Variants in PARD3 observed in about 807,000 individuals in gnomAD.
The protein encoded by PARD3 is partitioning defective 3 homolog.
A neutral mutation model predicts 155.4 loss-of-function variants in PARD3; 75 were observed. That is an observed-to-expected ratio of 0.48 (90% CI 0.40 to 0.58). PARD3 has a LOEUF of 0.58. PARD3 is among the 20% of genes least tolerant of loss of function. PARD3 has a pLI of 0.00. For missense variants in PARD3, 1,642 were observed against 1,721.7 expected (o/e 0.95, Z 0.82); for synonymous variants, 576 against 610.5 (o/e 0.94, Z 0.83).
At chr10:34,635,069 G>A (rs1284204303) in intron 2 of PARD3, among the ~76,000 whole-genome samples, 1 of 152,188 alleles carries the variant, frequency 6.6e-6, no homozygotes, top group Non-Finnish European at 1.5e-5. Context: ...TGAAAACACT[G>A]CTCAAAACCG....
chr10:34,330,363 C>T (rs1204198437), intron 19 of PARD3, among the ~76,000 whole-genome samples: 1 of 151,970 alleles, frequency 6.6e-6, no homozygotes, highest in Non-Finnish European at 1.5e-5. Flanking sequence ...ATTCAATAAA[C>T]CATGGAAAAC....
intron 2 of PARD3, among the ~76,000 whole-genome samples, chr10:34,577,703 A>T (rs2087012848): frequency 6.6e-6 from 1 of 152,218 alleles, no homozygotes; most frequent in Admixed American, 6.5e-5. Flanking sequence ...ACTCCACATG[A>T]CTACTAGAAT....
At chr10:34,535,775 C>G (rs1404622191) in intron 2 of PARD3, among the ~76,000 whole-genome samples, 1 of 149,228 alleles carries the variant, frequency 6.7e-6, no homozygotes, top group Non-Finnish European at 1.5e-5. Context: ...CCTGCCTGGC[C>G]AAGACAGTTT....
At chr10:34,429,553 AGTTTTGTTTT>A (rs58220151) in intron 5 of PARD3, among the ~76,000 whole-genome samples, 2,832 of 145,210 alleles carry the variant, frequency 0.02, 40 homozygotes, top group Middle Eastern at 0.032. Flanking sequence ...ACTCTAACTC[AGTTTTGTTTT>A]GTTTTGTTTT....
intron 22 of PARD3, among the ~76,000 whole-genome samples, chr10:34,168,340 T>C (rs1368141802): frequency 6.6e-6 from 1 of 152,244 alleles, no homozygotes; most frequent in Non-Finnish European, 1.5e-5. Context: ...GCAGTTTTTC[T>C]GCAAAATTAT....
chr10:34,332,623 AT>A (rs1207699742), intron 18 of PARD3, among the ~76,000 whole-genome samples: 2 of 152,208 alleles, frequency 1.3e-5, no homozygotes, highest in Non-Finnish European at 2.9e-5. Flanking sequence ...AAATGAAGCT[AT>A]TTTGGGTAAG....
Position 34,219,274 on chromosome 10 carries a change from T to A in PARD3, c.3419+50383A>T, listed in dbSNP as rs370071981. 2.0e-4 allele frequency among the ~76,000 whole-genome samples: 31 copies of A among 152,276 alleles called. No homozygotes were observed. In the South Asian group the frequency reaches 6.2e-3, roughly 31 times the overall value. On this transcript the variant is annotated intron_variant, in intron 22 of 24. Transcript: ENST00000374788. ...GGCAGAGGGGCCTGGCAGTAGGAAA[T>A]GTTGCAGAGAATGCCTGAAACACTG...
rs1029393102 is a variant in PARD3 at position 34,672,344 on chromosome 10, C to T, written c.222+23974G>A. ...CCAAAAAGGTAAACAAAAAATTTACCACCAGCTGAGCACCCACTCATTCTA... is the reference window on the plus strand; with the variant it reads ...CCAAAAAGGTAAACAAAAAATTTACTACCAGCTGAGCACCCACTCATTCTA... On this transcript the variant is annotated intron_variant, in intron 2 of 24. Transcript: ENST00000374788. Among the ~76,000 whole-genome samples the T allele has an allele frequency of 2.0e-5, 3 of 152,116 alleles. No individual in the cohort carries two copies. In the East Asian group the frequency reaches 5.8e-4, roughly 29 times the overall value.
chr10:34,503,705 G>A (rs1253630589), intron 3 of PARD3, among the ~76,000 whole-genome samples: 1 of 152,188 alleles, frequency 6.6e-6, no homozygotes, highest in African/African-American at 2.4e-5. Context: ...GAGGAGGAGT[G>A]GGAAAGTGAC....
intron 22 of PARD3, among the ~76,000 whole-genome samples, chr10:34,137,671 T>G (rs1459117283): frequency 2.0e-5 from 3 of 152,312 alleles, no homozygotes; most frequent in Non-Finnish European, 4.4e-5. Context: ...GTATGCTGGG[T>G]GTATTCTTTG....
intron 1 of PARD3, among the ~76,000 whole-genome samples, chr10:34,764,322 CAT>C (rs1837820223): frequency 6.6e-6 from 1 of 152,208 alleles, no homozygotes; most frequent in African/African-American, 2.4e-5. Context: ...ACTCACCTGA[CAT>C]GTTATGGCCC....
At chr10:34,664,548 G>A (rs914241162) in intron 2 of PARD3, among the ~76,000 whole-genome samples, 3 of 151,316 alleles carry the variant, frequency 2.0e-5, no homozygotes, top group Non-Finnish European at 4.4e-5. Flanking sequence ...GAGTGCGGTG[G>A]TATCTCAGCT....
chr10:34,192,789 T>C (rs968049283), intron 22 of PARD3, among the ~76,000 whole-genome samples: 1 of 152,168 alleles, frequency 6.6e-6, no homozygotes, highest in East Asian at 1.9e-4. Context: ...CCAGGCTTTC[T>C]AAGAACCCAT....
intron 20 of PARD3, among the ~76,000 whole-genome samples, chr10:34,308,621 T>C (rs972499532): frequency 6.6e-6 from 1 of 151,678 alleles, no homozygotes; most frequent in Admixed American, 6.6e-5. Flanking sequence ...CAGCAGTGAG[T>C]TGGGAGCGTG....
intron 1 of PARD3, among the ~76,000 whole-genome samples, chr10:34,776,551 A>T (rs1317674778): frequency 7.0e-6 from 1 of 142,942 alleles, no homozygotes; most frequent in Non-Finnish European, 1.5e-5. Context: ...TTCTTGAACA[A>T]TTTTTTTTTT....
At chr10:34,679,870 G>A (rs568984833) in intron 2 of PARD3, among the ~76,000 whole-genome samples, 2 of 152,198 alleles carry the variant, frequency 1.3e-5, no homozygotes, top group South Asian at 4.2e-4. Context: ...ACTTACAAGT[G>A]GAAGCCAAAC....
chr10:34,681,742 ATATATATATATATATATATATATATATT>A (rs2093829837), intron 2 of PARD3, among the ~76,000 whole-genome samples: 2 of 13,658 alleles, frequency 1.5e-4, no homozygotes, highest in African/African-American at 6.9e-4. Flanking sequence ...ATATATATAT[ATATATATATATATATATATATATATATT>A]TTTTTTTTTT....
chr10:34,360,106 C>G lies in PARD3; in HGVS notation c.1861G>C (p.Val621Leu), dbSNP rs767244560. ...KENHADLGIF[V>L]KSIINGGAAS... is the part of the protein sequence containing the mutation. Reference sequence around the variant, plus strand: ...GCTCCTCCATTAATAATGGACTTGACAAAGATTCCCAAATCTGCGTGGTTC... The same window carrying G: ...GCTCCTCCATTAATAATGGACTTGAGAAAGATTCCCAAATCTGCGTGGTTC... Residue 621 changes from valine (V) to leucine (L), a missense_variant, in exon 13 of 25, where the codon GTC becomes CTC. By Grantham distance (32) the Val-to-Leu change is conservative. This residue lies in a region of PARD3 where 1,529 missense variants were observed against 1,587.3 expected (regional missense o/e 0.96). Transcript: ENST00000374788. The G allele has an allele frequency of 3.7e-6, 6 of 1,614,092 alleles. No individual in the cohort carries two copies. In the Admixed American group the frequency reaches 1.0e-4, roughly 27 times the overall value.
intron 22 of PARD3, among the ~76,000 whole-genome samples, chr10:34,243,400 G>A (rs577535454): frequency 2.6e-5 from 4 of 152,214 alleles, no homozygotes; most frequent in South Asian, 2.1e-4. Context: ...TAGATGGCCC[G>A]CAGTTTTTAC....
Sources: allele counts gnomAD v4.1 joint callset (sites outside exome capture counted in the v4.1 genomes callset), GRCh38; gene constraint gnomAD v4.1.1; regional missense constraint gnomAD v4.1.1; transcripts MANE v1.5; gene names NCBI Gene and HGNC (gene_info 2026-07-23, HGNC 2026-07-21).